The following KAZN variants were observed in gnomAD, a reference collection of about 807,000 sequenced individuals.
KAZN encodes kazrin.
Under a neutral mutation model 87.4 loss-of-function variants are expected in KAZN, and 40 were observed. That is an observed-to-expected ratio of 0.46 (90% CI 0.36 to 0.60). KAZN has a LOEUF of 0.60. Among genes scored for constraint, KAZN ranks in the 20% least tolerant of loss-of-function variants. The pLI, the probability that KAZN is intolerant of heterozygous loss-of-function variation, is 0.00. For synonymous variants in KAZN, 466 were observed against 458.3 expected, an observed-to-expected ratio of 1.02 and a Z score of -0.22; for missense variants, 898 against 1,073.9, an observed-to-expected ratio of 0.84 and a Z score of 2.29.
intron 1 of KAZN, among the ~76,000 whole-genome samples, chr1:14,643,128 A>G (rs1187115793): frequency 6.6e-6 from 1 of 152,244 alleles, no homozygotes; most frequent in African/African-American, 2.4e-5. Flanking sequence ...GCAAATGAAC[A>G]GATGAACCAT....
chr1:14,810,419 G>A (rs559182859), intron 1 of KAZN, among the ~76,000 whole-genome samples: 1 of 152,162 alleles, frequency 6.6e-6, no homozygotes, highest in South Asian at 2.1e-4. Flanking sequence ...TGCCTTCCTC[G>A]TTGTGGCATC....
intron 2 of KAZN, among the ~76,000 whole-genome samples, chr1:14,276,693 G>T (rs1316856391): frequency 1.3e-5 from 2 of 152,090 alleles, no homozygotes; most frequent in Admixed American, 1.3e-4. Flanking sequence ...TCATCCAGTA[G>T]GATCACAGCT....
chr1:14,979,331 C>A (rs1226693331), intron 2 of KAZN, among the ~76,000 whole-genome samples: 2 of 151,908 alleles, frequency 1.3e-5, no homozygotes, highest in Non-Finnish European at 2.9e-5. Context: ...ATTGCTTGAA[C>A]CCAGGAGGCA....
At chr1:14,832,939 C>T (rs952405077) in intron 1 of KAZN, among the ~76,000 whole-genome samples, 1 of 152,232 alleles carries the variant, frequency 6.6e-6, no homozygotes, top group Non-Finnish European at 1.5e-5. Flanking sequence ...TTTTGTGCTA[C>T]AGTGGCAGAG....
Position 14,719,711 on chromosome 1 carries a change from C to T in KAZN, c.226+120488C>T, listed in dbSNP as rs556834735. ...AAAATTAGCTGGGTGTGGTGGCACA[C>T]ACCTGTAATCCCAGCTACTTGGGAG... On this transcript the variant is annotated intron_variant, in intron 1 of 14. Coordinates refer to ENST00000376030, the MANE Select transcript of KAZN (RefSeq NM_201628.3). Among the ~76,000 whole-genome samples the T allele has an allele frequency of 4.5e-4, 68 of 152,258 alleles. No homozygotes were observed. In the South Asian group the frequency reaches 0.014, roughly 31 times the overall value.
chr1:14,110,200 G>A (rs918023697), intron 1 of KAZN, among the ~76,000 whole-genome samples: 1 of 152,200 alleles, frequency 6.6e-6, no homozygotes, highest in East Asian at 1.9e-4. Flanking sequence ...CTCCACTTCA[G>A]CTGGATGTTC....
At chr1:14,576,291 A>AGGATGGAT (rs71587761) in intron 2 of KAZN, among the ~76,000 whole-genome samples, 51 of 125,460 alleles carry the variant, frequency 4.1e-4, no homozygotes, top group African/African-American at 7.0e-4. Context: ...GAAGGATGGA[A>AGGATGGAT]GGATGGATGG....
chr1:15,003,033 C>CAA (rs1668653426), intron 2 of KAZN, among the ~76,000 whole-genome samples: 1 of 150,448 alleles, frequency 6.6e-6, no homozygotes, highest in Non-Finnish European at 1.5e-5. Flanking sequence ...CACACACACA[C>CAA]AAAATTGAGG....
At chr1:14,441,548 G>C (rs939482499) in intron 2 of KAZN, among the ~76,000 whole-genome samples, 1 of 152,210 alleles carries the variant, frequency 6.6e-6, no homozygotes, top group African/African-American at 2.4e-5. Context: ...CTAAGGAACA[G>C]AGTTTGGAAA....
At chr1:14,457,826 T>TGG (rs1557734532) in intron 2 of KAZN, among the ~76,000 whole-genome samples, 54 of 150,664 alleles carry the variant, frequency 3.6e-4, no homozygotes, top group African/African-American at 1.2e-3. Flanking sequence ...TTTGTTTTGT[T>TGG]TTTTTTTTTG....
chr1:14,883,424 A>AGAAAGAAAGAAAGAAAG (rs1491294258), intron 1 of KAZN, among the ~76,000 whole-genome samples: 1 of 149,370 alleles, frequency 6.7e-6, no homozygotes, highest in African/African-American at 2.5e-5. Context: ...AGAAAGAAAG[A>AGAAAGAAAGAAAGAAAG]AAAGCGGTTC....
chr1:14,837,050 T>C (rs1467056796), intron 1 of KAZN, among the ~76,000 whole-genome samples: 1 of 152,218 alleles, frequency 6.6e-6, no homozygotes, highest in Non-Finnish European at 1.5e-5. Flanking sequence ...ATTTCTTTGC[T>C]TGTTTTTTTA....
rs576599346 is a variant in KAZN, at chr1:14,078,834, G to A, written c.92-101601G>A. 1.2e-4 allele frequency among the ~76,000 whole-genome samples: 19 copies of A among 152,184 alleles called. No homozygotes were observed. The South Asian group carries it at 1.5e-3, about 12-fold the overall frequency. ...CTGGTAGCTGGGATTACAGGCACGCGCCACCACACCTGGCTAATTTTTATA... is the reference window on the plus strand; with the variant it reads ...CTGGTAGCTGGGATTACAGGCACGCACCACCACACCTGGCTAATTTTTATA... On this transcript the variant is annotated intron_variant, in intron 1 of 16. Coordinates refer to the KAZN transcript ENST00000636203.
At chr1:14,693,474 G>A (rs74058795) in intron 1 of KAZN, among the ~76,000 whole-genome samples, 3,432 of 152,242 alleles carry the variant, frequency 0.023, 142 homozygotes, top group African/African-American at 0.079. Context: ...AGCTCATGCT[G>A]GACTCGTCTT....
chr1:14,180,849 C>T (rs1462866073), intron 2 of KAZN, among the ~76,000 whole-genome samples: 3 of 152,154 alleles, frequency 2.0e-5, no homozygotes, highest in African/African-American at 4.8e-5. Flanking sequence ...ACAGATCTCC[C>T]ATTAGCCTTG....
intron 8 of KAZN, among the ~76,000 whole-genome samples, chr1:15,075,981 A>C (rs982948769): frequency 6.6e-6 from 1 of 152,136 alleles, no homozygotes; most frequent in Admixed American, 6.5e-5. Context: ...CAGGCCAGAG[A>C]TGTCAGAGTC....
intron 2 of KAZN, among the ~76,000 whole-genome samples, chr1:14,222,723 G>T (rs916412759): frequency 1.3e-5 from 2 of 152,174 alleles, no homozygotes; most frequent in Non-Finnish European, 2.9e-5. Flanking sequence ...TCCCAAGAGG[G>T]ATGAATGTAA....
At chr1:14,970,629 C>G (rs1664929535) in intron 2 of KAZN, among the ~76,000 whole-genome samples, 1 of 152,198 alleles carries the variant, frequency 6.6e-6, no homozygotes, top group Non-Finnish European at 1.5e-5. Flanking sequence ...CCCAGGCGTC[C>G]CTGTCCCCCA....
intron 2 of KAZN, among the ~76,000 whole-genome samples, chr1:14,411,057 A>C (rs1384953255): frequency 6.6e-6 from 1 of 152,226 alleles, no homozygotes; most frequent in Non-Finnish European, 1.5e-5. Flanking sequence ...GTTACAGGAA[A>C]GATAAATTAA....
Sources: allele counts gnomAD v4.1 joint callset (sites outside exome capture counted in the v4.1 genomes callset), GRCh38; gene constraint gnomAD v4.1.1; transcripts MANE v1.5; gene names NCBI Gene and HGNC (gene_info 2026-07-23, HGNC 2026-07-21).